The following PRDM16 variants were observed in gnomAD, a reference collection of about 807,000 sequenced individuals.
PRDM16 encodes the protein histone-lysine N-methyltransferase PRDM16.
A neutral mutation model predicts 110.6 loss-of-function variants in PRDM16; 23 were observed. That is an observed-to-expected ratio of 0.21 (90% CI 0.15 to 0.29). PRDM16 has a LOEUF of 0.29. PRDM16 is among the 10% of genes least tolerant of loss of function. PRDM16 has a pLI of 1.00. For missense variants in PRDM16, 1,615 were observed against 1,794.3 expected (o/e 0.90, Z 1.81); for synonymous variants, 799 against 781.8 (o/e 1.02, Z -0.37).
At chr1:3,311,242 C>T (rs529285038) in intron 3 of PRDM16, among the ~76,000 whole-genome samples, 5 of 152,338 alleles carry the variant, frequency 3.3e-5, no homozygotes, top group East Asian at 3.9e-4. Flanking sequence ...GCCGCCACTC[C>T]GAGGCCGGGT....
At chr1:3,270,521 A>G (rs932795579) in intron 3 of PRDM16, among the ~76,000 whole-genome samples, 8 of 142,212 alleles carry the variant, frequency 5.6e-5, no homozygotes, top group South Asian at 2.3e-4. Flanking sequence ...GGGGAGGACA[A>G]TCAGGCGGAA....
At chr1:3,319,296 G>T (rs1305183302) in intron 3 of PRDM16, among the ~76,000 whole-genome samples, 1 of 152,226 alleles carries the variant, frequency 6.6e-6, no homozygotes, top group African/African-American at 2.4e-5. Context: ...GGTCAAGGGA[G>T]AGATTAGGAG....
intron 1 of PRDM16, among the ~76,000 whole-genome samples, chr1:3,119,002 C>T (rs1046002918): frequency 2.0e-5 from 3 of 152,218 alleles, no homozygotes; most frequent in African/African-American, 7.2e-5. Context: ...GGTTGCTTGA[C>T]CCCAGAGCAG....
intron 3 of PRDM16, among the ~76,000 whole-genome samples, chr1:3,282,269 A>G (rs905137): frequency 0.22 from 33,451 of 152,210 alleles, 7,908 homozygotes; most frequent in African/African-American, 0.59. Context: ...GCCGGGCACC[A>G]GCCCTTCCCC....
intron 4 of PRDM16, 85 bp from the exon 5 acceptor site, chr1:3,396,406 A>G: frequency 1.3e-6 from 1 of 783,450 alleles, no homozygotes; most frequent in Non-Finnish European, 2.2e-6. Context: ...CTGCGTCCAC[A>G]GTGTGAGGGC....
chr1:3,418,815 A>G (rs1012855631), intron 12 of PRDM16, 71 bp downstream of exon 12: 3 of 1,181,704 alleles, frequency 2.5e-6, no homozygotes, highest in Admixed American at 1.7e-5. Flanking sequence ...CACTCCTAGG[A>G]GTAAGTATGC....
intron 3 of PRDM16, among the ~76,000 whole-genome samples, chr1:3,248,881 G>A (rs1639858240): frequency 6.6e-6 from 1 of 152,244 alleles, no homozygotes; most frequent in Non-Finnish European, 1.5e-5. Flanking sequence ...GAGTCCAGAG[G>A]TTTCCTGGGT....
intron 1 of PRDM16, among the ~76,000 whole-genome samples, chr1:3,094,938 G>C (rs1415078537): frequency 6.6e-6 from 1 of 152,186 alleles, no homozygotes; most frequent in Admixed American, 6.5e-5. Flanking sequence ...CCGGAACCCC[G>C]GTGCTCGTGA....
At chr1:3,408,245 C>G (rs1376490907) in intron 8 of PRDM16, among the ~76,000 whole-genome samples, 1 of 152,242 alleles carries the variant, frequency 6.6e-6, no homozygotes, top group Non-Finnish European at 1.5e-5. Context: ...CCCCACCTCA[C>G]TGGCCACACA....
At chr1:3,225,573 T>TGTGTGCGCGCGCGCGCGC (rs1336272072) in intron 2 of PRDM16, among the ~76,000 whole-genome samples, 3 of 129,802 alleles carry the variant, frequency 2.3e-5, no homozygotes, top group African/African-American at 8.0e-5. Context: ...TGTGTGTGTG[T>TGTGTGCGCGCGCGCGCGC]GCGCGCGCGC....
chr1:3,318,918 T>C lies in PRDM16; in HGVS notation c.439-66234T>C, dbSNP rs921918199. On this transcript the variant is annotated intron_variant, in intron 3 of 16. Transcript: ENST00000270722. ...TTCCTAGGAAAAGCGCAACTGTGAG[T>C]GTAAAATAAAGGCCCCTGAGCTCTG... Among the ~76,000 whole-genome samples the C allele has an allele frequency of 2.6e-5, 4 of 152,024 alleles. No homozygotes were observed. In the South Asian group the frequency reaches 8.3e-4, roughly 32 times the overall value.
chr1:3,329,939 T>C (rs1351971207), intron 3 of PRDM16, among the ~76,000 whole-genome samples: 1 of 151,952 alleles, frequency 6.6e-6, no homozygotes, highest in Non-Finnish European at 1.5e-5. Flanking sequence ...ACCCAGGAGG[T>C]GGGTCAGGGG....
chr1:3,073,441 C>T (rs1347080873), intron 1 of PRDM16, among the ~76,000 whole-genome samples: 1 of 152,230 alleles, frequency 6.6e-6, no homozygotes, highest in African/African-American at 2.4e-5. Flanking sequence ...GCGTTAAATA[C>T]AATTTATCAG....
At chr1:3,133,885 G>A (rs545541069) in intron 1 of PRDM16, among the ~76,000 whole-genome samples, 7 of 152,286 alleles carry the variant, frequency 4.6e-5, no homozygotes, top group South Asian at 2.1e-4. Flanking sequence ...AGAAATGATC[G>A]GCCTCCAGGA....
At chr1:3,076,110 G>C (rs1000466713) in intron 1 of PRDM16, among the ~76,000 whole-genome samples, 1 of 152,206 alleles carries the variant, frequency 6.6e-6, no homozygotes, top group Non-Finnish European at 1.5e-5. Context: ...GAACCCACCA[G>C]CCCCGCGCTC....
At chr1:3,233,258 G>T (rs1639458301) in intron 2 of PRDM16, among the ~76,000 whole-genome samples, 1 of 152,188 alleles carries the variant, frequency 6.6e-6, no homozygotes, top group African/African-American at 2.4e-5. Flanking sequence ...TCGGTGTGGA[G>T]GAGGGACCGT....
At chr1:3,317,996 G>C (rs1022774443) in intron 3 of PRDM16, among the ~76,000 whole-genome samples, 3 of 152,196 alleles carry the variant, frequency 2.0e-5, no homozygotes, top group African/African-American at 7.2e-5. Flanking sequence ...ATAAAGAAGG[G>C]TTTGAGAGGC....
At chr1:3,114,195 ACACGCACG>A (rs1265056340) in intron 1 of PRDM16, among the ~76,000 whole-genome samples, 2 of 127,332 alleles carry the variant, frequency 1.6e-5, no homozygotes, top group Non-Finnish European at 3.2e-5. Context: ...GCACACACGC[ACACGCACG>A]CACACACGCA....
Position 3,404,801 on chromosome 1 carries a change from A to G in PRDM16, c.947A>G (p.Lys316Arg). 6.2e-7 allele frequency: 1 copy of G among 1,613,714 alleles called. No individual in the cohort carries two copies. Among genetic ancestry groups the G allele is most frequent in the South Asian group, 1.1e-5 (1 of 91,082 alleles). Residue 316 changes from lysine to arginine, a missense_variant, in exon 7 of 17, where the codon AAG (lysine) becomes AGG (arginine). By Grantham distance (26) the Lys-to-Arg change is conservative. Coordinates refer to ENST00000270722, the MANE Select transcript of PRDM16 (RefSeq NM_022114.4). ...GAGTACAAATGCGACCAGTGTCCCAAGGCCTTCAACTGGAAGTCCAACCTC... is the reference window on the plus strand; with the variant it reads ...GAGTACAAATGCGACCAGTGTCCCAGGGCCTTCAACTGGAAGTCCAACCTC... ...EREYKCDQCPKAFNWKSNLIR... is the reference protein window; with the variant it reads ...EREYKCDQCPRAFNWKSNLIR...
Sources: gnomAD v4.1 joint callset for allele counts (sites outside exome capture counted in the v4.1 genomes callset) on GRCh38, gnomAD v4.1.1 for gene constraint, MANE v1.5 for transcripts, NCBI Gene and HGNC (gene_info 2026-07-23, HGNC 2026-07-21) for gene names.